The following FGF14 variants were observed in gnomAD, a reference collection of about 807,000 sequenced individuals.
FGF14 encodes fibroblast growth factor 14.
Under a neutral mutation model 25.5 loss-of-function variants are expected in FGF14, and 5 were observed. That is an observed-to-expected ratio of 0.20 (90% CI 0.10 to 0.41). The LOEUF is 0.41. Among genes scored for constraint, FGF14 ranks in the 10% least tolerant of loss-of-function variants. The probability of loss-of-function intolerance (pLI) is 1.00; values close to 1 mark genes in which losing one functional copy is unlikely to be tolerated. For synonymous variants in FGF14, 138 were observed against 118.3 expected (o/e 1.17, Z -1.08); for missense variants, 222 against 320.1 (o/e 0.69, Z 2.34).
intron 1 of FGF14, among the ~76,000 whole-genome samples, chr13:101,896,824 A>G (rs1008370454): frequency 2.0e-5 from 3 of 152,206 alleles, no homozygotes; most frequent in Non-Finnish European, 4.4e-5. Flanking sequence ...GGCTCTGACA[A>G]TGACTCACCA....
At chr13:102,088,080 T>C (rs961497793) in intron 1 of FGF14, among the ~76,000 whole-genome samples, 10 of 152,224 alleles carry the variant, frequency 6.6e-5, no homozygotes, top group Non-Finnish European at 1.3e-4. Context: ...TTGAAATTAT[T>C]ATCTTATGTA....
chr13:101,859,498 A>G (rs1000882675), intron 3 of FGF14, among the ~76,000 whole-genome samples: 14 of 152,172 alleles, frequency 9.2e-5, no homozygotes, highest in African/African-American at 3.4e-4. Context: ...AAGGAGTACA[A>G]TAAATATTTG....
intron 3 of FGF14, among the ~76,000 whole-genome samples, chr13:101,771,253 T>C (rs1247663241): frequency 2.0e-5 from 3 of 152,094 alleles, no homozygotes; most frequent in Non-Finnish European, 2.9e-5. Flanking sequence ...ATTCTATCTC[T>C]ACATCCACAA....
In FGF14 at chr13:101,880,284, C is replaced by T. The variant is rs549301116; in HGVS notation, c.194-4988G>A. ...GATAGCATCTGGCATTAACAACAAA[C>T]AGGCCAGGCACAGTGGCTCACGCCT... On this transcript the variant is annotated intron_variant, in intron 1 of 4. Transcript: ENST00000376143. Among the ~76,000 whole-genome samples, 3 of 152,154 alleles carry T rather than the reference C, an allele frequency of 2.0e-5. No individual in the cohort carries two copies. The East Asian group carries it at 5.8e-4, about 29-fold the overall frequency.
chr13:101,875,948 C>G (rs947446164), intron 1 of FGF14, among the ~76,000 whole-genome samples: 1 of 151,986 alleles, frequency 6.6e-6, no homozygotes, highest in Non-Finnish European at 1.5e-5. Flanking sequence ...AGCAAACCCA[C>G]GCATATGAGG....
chr13:102,058,638 CAATA>C (rs1408735138), intron 1 of FGF14, among the ~76,000 whole-genome samples: 4 of 152,074 alleles, frequency 2.6e-5, no homozygotes, highest in African/African-American at 9.7e-5. Flanking sequence ...GTGTCATCCC[CAATA>C]AATACTCACA....
At chr13:101,943,000 T>G (rs1007165762) in intron 1 of FGF14, among the ~76,000 whole-genome samples, 2 of 152,352 alleles carry the variant, frequency 1.3e-5, no homozygotes, top group East Asian at 3.9e-4. Flanking sequence ...ATCCCCACTT[T>G]CTGCCCTGCA....
chr13:101,777,440 G>A (rs2039195870), intron 3 of FGF14, among the ~76,000 whole-genome samples: 1 of 152,138 alleles, frequency 6.6e-6, no homozygotes. Flanking sequence ...AGAAGCTGAT[G>A]TGAGAGTTCC....
intron 3 of FGF14, among the ~76,000 whole-genome samples, chr13:101,810,798 T>C (rs1181742233): frequency 2.0e-5 from 3 of 152,210 alleles, no homozygotes; most frequent in African/African-American, 7.2e-5. Flanking sequence ...CAAATATTTC[T>C]GACTGTCTTG....
upstream of FGF14, among the ~76,000 whole-genome samples, chr13:101,917,486 C>T (rs1161915461): frequency 6.6e-6 from 1 of 152,100 alleles, no homozygotes; most frequent in Non-Finnish European, 1.5e-5. Context: ...AGATGCAACT[C>T]GCTGGTTCCC....
chr13:101,796,332 G>A (rs1195238944), intron 3 of FGF14, among the ~76,000 whole-genome samples: 2 of 151,910 alleles, frequency 1.3e-5, no homozygotes, highest in African/African-American at 4.8e-5. Flanking sequence ...CTCTGATCCT[G>A]CCTCCCCTGA....
intron 1 of FGF14, among the ~76,000 whole-genome samples, chr13:101,980,190 A>C (rs1232615844): frequency 6.6e-6 from 1 of 152,244 alleles, no homozygotes; most frequent in Non-Finnish European, 1.5e-5. Context: ...ATGAAGTCTA[A>C]TTTAATTAAG....
intron 1 of FGF14, among the ~76,000 whole-genome samples, chr13:101,941,210 T>C (rs1030578400): frequency 1.3e-5 from 2 of 152,172 alleles, no homozygotes; most frequent in African/African-American, 4.8e-5. Flanking sequence ...GTCAACACCT[T>C]TTCACAAAAT....
chr13:102,171,316 A>G (rs1254505634), intron 1 of FGF14, among the ~76,000 whole-genome samples: 1 of 152,204 alleles, frequency 6.6e-6, no homozygotes, highest in East Asian at 1.9e-4. Flanking sequence ...TCAACAAATG[A>G]TTGCATGAGG....
chr13:102,181,687 T>C (rs1272735384), intron 1 of FGF14, among the ~76,000 whole-genome samples: 4 of 152,334 alleles, frequency 2.6e-5, no homozygotes, highest in Admixed American at 1.3e-4. Flanking sequence ...CTTTATATTA[T>C]ACAGATTCTA....
chr13:102,338,098 T>C (rs1252761609), intron 1 of FGF14, among the ~76,000 whole-genome samples: 1 of 152,130 alleles, frequency 6.6e-6, no homozygotes. Flanking sequence ...TTTTTTTTCT[T>C]GTTGTTTTTT....
chr13:101,717,965 G>A lies in FGF14; in HGVS notation c.*4866C>T, dbSNP rs1253582810. On this transcript the variant is annotated 3_prime_UTR_variant, in exon 5 of 5. Transcript: ENST00000376143. Reference sequence around the variant, plus strand: ...CTCATGTAAGAAGAGTGTCAAAAATGTCCTCGGCATTTGTTTTCTCAGAAA... The same window carrying A: ...CTCATGTAAGAAGAGTGTCAAAAATATCCTCGGCATTTGTTTTCTCAGAAA... The A allele has an allele frequency of 6.6e-6, 1 of 152,018 alleles. No homozygotes were observed. Among genetic ancestry groups the A allele is most frequent in the Admixed American group, 6.6e-5 (1 of 15,250 alleles). The allele number at this position is 152,018 out of a possible 1,614,324, so 9.4% of individuals were successfully genotyped here.
chr13:101,845,885 G>A (rs2140335848), intron 3 of FGF14, among the ~76,000 whole-genome samples: 1 of 152,068 alleles, frequency 6.6e-6, no homozygotes, highest in African/African-American at 2.4e-5. Flanking sequence ...GGGGTAGGTG[G>A]TGGCAGGGCT....
At chr13:102,342,069 A>C (rs2138910580) in intron 1 of FGF14, among the ~76,000 whole-genome samples, 1 of 152,302 alleles carries the variant, frequency 6.6e-6, no homozygotes, top group East Asian at 1.9e-4. Flanking sequence ...GTAGAAAATC[A>C]GTGTTTTCTG....
Sources: gnomAD v4.1 joint callset for allele counts (sites outside exome capture counted in the v4.1 genomes callset) on GRCh38, gnomAD v4.1.1 for gene constraint, MANE v1.5 for transcripts, NCBI Gene and HGNC (gene_info 2026-07-23, HGNC 2026-07-21) for gene names.